AUH: variants seen among roughly 807,000 people sequenced by gnomAD.
The protein encoded by AUH is AU RNA binding methylglutaconyl-CoA hydratase.
AUH carries 29 observed loss-of-function variants against 42.3 expected under a neutral mutation model. The ratio of observed to expected loss-of-function variants is 0.69; its 90% CI spans 0.51 to 0.93. The LOEUF is 0.93. Among genes scored for constraint, AUH ranks in the 40% least tolerant of loss-of-function variants. The probability of loss-of-function intolerance (pLI) is 0.00; values close to 1 mark genes in which losing one functional copy is unlikely to be tolerated. For synonymous variants in AUH, 174 were observed against 166.4 expected (o/e 1.05, Z -0.35); for missense variants, 452 against 438.1 (o/e 1.03, Z -0.28).
intron 6 of AUH, among the ~76,000 whole-genome samples, chr9:91,237,564 C>T (rs1828260762): frequency 6.6e-6 from 1 of 152,146 alleles, no homozygotes; most frequent in Non-Finnish European, 1.5e-5. Context: ...TCCTCTAACG[C>T]TGAACAGTTA....
chr9:91,295,362 A>C (rs1827240610), intron 6 of AUH, among the ~76,000 whole-genome samples: 2 of 152,244 alleles, frequency 1.3e-5, no homozygotes, highest in South Asian at 4.1e-4. Flanking sequence ...AACACTGCAG[A>C]AATGACAACA....
At chr9:91,334,905 G>A (rs547418129) in intron 3 of AUH, among the ~76,000 whole-genome samples, 1 of 152,174 alleles carries the variant, frequency 6.6e-6, no homozygotes, top group Non-Finnish European at 1.5e-5. Context: ...CAAATAATCA[G>A]GTCAAGATAA....
At chr9:91,344,562 A>C (rs1831346289) in intron 3 of AUH, among the ~76,000 whole-genome samples, 1 of 152,218 alleles carries the variant, frequency 6.6e-6, no homozygotes, top group Admixed American at 6.5e-5. Context: ...GTAGCCCTGT[A>C]TTTATTAAAG....
At chr9:91,278,371 C>T (rs1825711394) in intron 6 of AUH, among the ~76,000 whole-genome samples, 1 of 152,188 alleles carries the variant, frequency 6.6e-6, no homozygotes, top group Non-Finnish European at 1.5e-5. Flanking sequence ...AACCTGAACA[C>T]TGAGGATTTT....
At chr9:91,221,742 T>C (rs1364016708) in intron 6 of AUH, among the ~76,000 whole-genome samples, 1 of 152,206 alleles carries the variant, frequency 6.6e-6, no homozygotes, top group East Asian at 1.9e-4. Flanking sequence ...TATATTAGCA[T>C]GATTTAGGGT....
rs1374750542 is a variant in AUH at position 91,325,342 on chromosome 9, T to C, written c.481A>G (p.Ile161Val). 1.9e-6 allele frequency: 3 copies of C among 1,613,736 alleles called. No individual in the cohort carries two copies. The African/African-American group carries it at 4.0e-5, about 22-fold the overall frequency. ...SSEVGPFVSK[I>V]RAVINDIANL... is the part of the protein sequence containing the mutation. ...CCAATATCGTTAATCACTGCTCTTA[T>C]TTTGGAGACAAAAGGACCAACTTCA... Residue 161 changes from isoleucine to valine, a missense_variant, in exon 4 of 10, where the codon ATA becomes GTA. Physicochemically the swap from Ile to Val is conservative, Grantham distance 29. Transcript: ENST00000375731.
chr9:91,226,537 C>CAG (rs540310223), intron 6 of AUH, among the ~76,000 whole-genome samples: 2 of 150,066 alleles, frequency 1.3e-5, no homozygotes, highest in African/African-American at 4.9e-5. Context: ...TTTTGCTGTG[C>CAG]AGAAGCTCTT....
rs756127206 is a variant in AUH, at chr9:91,361,679, T to C, written c.211A>G (p.Met71Val). 6.3e-7 allele frequency: 1 copy of C among 1,577,244 alleles called. No homozygotes were observed. ...PAPKRGYSSE[M>V]KTEDELRVRH... ...ACCCGCAGCTCGTCCTCCGTCTTCA[T>C]CTCAGAGCTGTAGCCCCTTTTCGGG... The change falls in exon 1 of 10, where the codon ATG becomes GTG. Residue 71 changes from methionine (M) to valine (V), a missense_variant. Physicochemically the swap from Met to Val is conservative, Grantham distance 21. Coordinates refer to ENST00000375731, the MANE Select transcript of AUH (RefSeq NM_001698.3).
At chr9:91,249,297 A>AAAAAAAAAAAAAAAG (rs1828984472) in intron 6 of AUH, among the ~76,000 whole-genome samples, 7 of 103,758 alleles carry the variant, frequency 6.7e-5, no homozygotes, top group East Asian at 3.8e-4. Flanking sequence ...TGTCTCAAAA[A>AAAAAAAAAAAAAAAG]AAAAAAAAAA....
rs908119600 is a variant in AUH, at chr9:91,303,141, C to T, written c.506-5065G>A. Among the ~76,000 whole-genome samples, 5 of 152,134 alleles carry T rather than the reference C, an allele frequency of 3.3e-5. No individual in the cohort carries two copies. In the East Asian group the frequency reaches 9.6e-4, roughly 29 times the overall value. ...GAAAAAAGCAACTGTAAGGCAGGCC[C>T]CTGGTTCACTTCAGTAGTCTGTAGG... On this transcript the variant is annotated intron_variant, in intron 4 of 9. Coordinates refer to ENST00000375731, the MANE Select transcript of AUH (RefSeq NM_001698.3).
intron 6 of AUH, among the ~76,000 whole-genome samples, chr9:91,279,094 T>C (rs961643885): frequency 1.3e-5 from 2 of 152,144 alleles, no homozygotes; most frequent in African/African-American, 4.8e-5. Context: ...AAAATATGTG[T>C]AGTTTATTGT....
chr9:91,281,186 G>A lies in AUH; in HGVS notation c.655+14835C>T, dbSNP rs552072437. On this transcript the variant is annotated intron_variant, in intron 6 of 9. Transcript: ENST00000375731. ...TCAGTATTATCCCACAGGTTCCTAC[G>A]GTTCAGTTCATTTATTTTACACAAT... is the stretch of plus-strand genomic sequence containing the variant. Among the ~76,000 whole-genome samples, 229 of 152,098 alleles carry A rather than the reference G, an allele frequency of 1.5e-3. 1 individual carries two copies. The highest frequency in any genetic ancestry group is 4.9e-3 in the African/African-American group (204 of 41,482).
intron 3 of AUH, among the ~76,000 whole-genome samples, chr9:91,326,895 G>A (rs1180144026): frequency 6.6e-6 from 1 of 152,106 alleles, no homozygotes; most frequent in Non-Finnish European, 1.5e-5. Context: ...GCTTAACTTG[G>A]TGCCAAACTG....
Position 91,270,237 on chromosome 9 carries a change from T to C in AUH, c.655+25784A>G, listed in dbSNP as rs530014585. ...AGACCAGAGAGACCAACTGGCAACA[T>C]GCAGGGAAAGGGTCAGCACATCTCC... On this transcript the variant is annotated intron_variant, in intron 6 of 9. Transcript: ENST00000375731. Among the ~76,000 whole-genome samples, 8 of 152,192 alleles carry C rather than the reference T, an allele frequency of 5.3e-5. No individual in the cohort carries two copies. The South Asian group carries it at 1.7e-3, about 32-fold the overall frequency.
rs748318386 is a variant in AUH, at chr9:91,220,824, G to T, written c.824C>A (p.Ala275Glu). Residue 275 changes from alanine (A) to glutamate (E), a missense_variant, in exon 7 of 10, where the codon GCG becomes GAG. By Grantham distance (107) the Ala-to-Glu change is moderately radical. Coordinates refer to ENST00000375731, the MANE Select transcript of AUH (RefSeq NM_001698.3). ...DAAYRKALDL[A>E]REFLPQGPVA... is the part of the protein sequence containing the mutation. The stretch of plus-strand genomic sequence containing the variant: ...AAATACCTGAGGTAAAAACTCTCTC[G>T]CCAGGTCCAAGGCCTTCCTGTAGGC... 2.5e-6 allele frequency: 4 copies of T among 1,614,016 alleles called. No individual in the cohort carries two copies. The highest frequency in any genetic ancestry group is 3.4e-6 in the Non-Finnish European group (4 of 1,180,044).
intron 6 of AUH, among the ~76,000 whole-genome samples, chr9:91,248,914 C>T (rs138873977): frequency 8.6e-4 from 131 of 152,272 alleles, no homozygotes; most frequent in African/African-American, 3.0e-3. Context: ...TTTTGGCTCA[C>T]GGTCAACACT....
At position 91,214,287 on chromosome 9, in the gene AUH, C is replaced by T. The variant is rs1184256553; in HGVS notation, c.*61G>A. The T allele has an allele frequency of 1.4e-6, 2 of 1,420,320 alleles. No individual in the cohort carries two copies. Among genetic ancestry groups the T allele is most frequent in the Non-Finnish European group, 9.8e-7 (1 of 1,021,908 alleles). 88.0% of individuals were successfully genotyped at this position (1,420,320 alleles called of 1,614,324 possible). The stretch of plus-strand genomic sequence containing the variant: ...CCATGTGCTGAGGCATATAGTGGAT[C>T]CGAAAGACACTTCCAGGAAGTACAT... On this transcript the variant is annotated 3_prime_UTR_variant, in exon 10 of 10. Transcript: ENST00000375731.
chr9:91,269,791 C>T (rs1824965238), intron 6 of AUH, among the ~76,000 whole-genome samples: 2 of 152,194 alleles, frequency 1.3e-5, no homozygotes, highest in Admixed American at 1.3e-4. Context: ...CCAATGATGG[C>T]TTTAAACACT....
chr9:91,346,980 T>A (rs1037296175), intron 3 of AUH, among the ~76,000 whole-genome samples: 4 of 151,714 alleles, frequency 2.6e-5, no homozygotes, highest in Non-Finnish European at 5.9e-5. Context: ...TCTTTAGGAG[T>A]GCCAACCTCC....
Sources: gnomAD v4.1 joint callset for allele counts (sites outside exome capture counted in the v4.1 genomes callset) on GRCh38, gnomAD v4.1.1 for gene constraint, MANE v1.5 for transcripts, NCBI Gene and HGNC (gene_info 2026-07-23, HGNC 2026-07-21) for gene names.